Variants in SRRT observed in about 807,000 individuals in gnomAD.
SRRT encodes serrate RNA effector molecule homolog.
In SRRT, 32 loss-of-function variants were observed where a neutral mutation model predicts 103.2. That is an observed-to-expected ratio of 0.31 (90% CI 0.23 to 0.42). The LOEUF (loss-of-function observed/expected upper bound fraction) is 0.42. Ranked by LOEUF, SRRT falls within the 10% of genes least tolerant of loss-of-function variation. The pLI, the probability that SRRT is intolerant of heterozygous loss-of-function variation, is 1.00. For missense variants in SRRT, 986 were observed against 1,207.5 expected (o/e 0.82, Z 2.72); for synonymous variants, 525 against 449.0 (o/e 1.17, Z -2.14).
Position 100,881,428 on chromosome 7 carries a change from T to C in SRRT, c.251+15T>C. 6.2e-7 allele frequency: 1 copy of C among 1,606,268 alleles called. No individual in the cohort carries two copies. Among genetic ancestry groups the C allele is most frequent in the Non-Finnish European group, 8.5e-7 (1 of 1,173,886 alleles). ...AGGAGAGACTGGTGAGATGGAGCGG[T>C]TTCCCTCTCCTCCCCTTTGCCTCAG... On this transcript the variant is annotated intron_variant, in intron 3 of 19. Transcript: ENST00000611405.
chr7:100,878,578 A>G (rs940694197), intron 2 of SRRT, among the ~76,000 whole-genome samples: 2 of 152,240 alleles, frequency 1.3e-5, no homozygotes, highest in African/African-American at 4.8e-5. Flanking sequence ...TGGACAAGGT[A>G]GCATAAAGAA....
rs376557679 is a variant in SRRT at position 100,888,263 on chromosome 7, C to T, written c.2435C>T (p.Ala812Val). Residue 812 changes from alanine to valine, a missense_variant, in exon 19 of 20, where the codon GCT becomes GTT. Coordinates refer to ENST00000611405, the MANE Select transcript of SRRT (RefSeq NM_015908.6). ...ACACTGATCTCTGTCATAGCTGGTG[C>T]TGTCCGCCCTGCAGTCCCCACAGGA... ...RPPILGYGAG[A>V]VRPAVPTGGP... 6.2e-7 allele frequency: 1 copy of T among 1,607,630 alleles called. No individual in the cohort carries two copies. The highest frequency in any genetic ancestry group is 8.5e-7 in the Non-Finnish European group (1 of 1,175,316).
rs770469638 is a variant in SRRT at position 100,887,013 on chromosome 7, G to GC, written c.1822-33dup. The GC allele has an allele frequency of 6.2e-7, 1 of 1,612,164 alleles. No individual in the cohort carries two copies. Among genetic ancestry groups the GC allele is most frequent in the South Asian group, 1.1e-5 (1 of 91,002 alleles). On this transcript the variant is annotated intron_variant, in intron 14 of 19. Transcript: ENST00000611405. The surrounding 1 kb of genome is among the most constrained non-coding windows in gnomAD (Gnocchi z 4.1). The stretch of plus-strand genomic sequence containing the variant: ...GCACGTGGGGGCTCGGGCGGTGAGG[G>GC]CAGGAGCTGAACGCTCGCATTCACT...
chr7:100,881,378 A>G lies in SRRT; in HGVS notation c.216A>G (p.Glu72=). ...AGCGCTTCTCGCCACCTCGCCACGAACTCAGCCCGCCACAGAAGCGCATGA... is the reference window on the plus strand; with the variant it reads ...AGCGCTTCTCGCCACCTCGCCACGAGCTCAGCCCGCCACAGAAGCGCATGA... ...RRERFSPPRH[E]LSPPQKRMRR... The change falls in exon 3 of 20, where the codon GAA becomes GAG. Residue 72 remains glutamate (E), a synonymous_variant. Coordinates refer to ENST00000611405, the MANE Select transcript of SRRT (RefSeq NM_015908.6). 2.5e-6 allele frequency: 4 copies of G among 1,600,568 alleles called. No individual in the cohort carries two copies. Among genetic ancestry groups the G allele is most frequent in the Non-Finnish European group, 3.4e-6 (4 of 1,172,326 alleles).
At chr7:100,876,792 C>G (rs188520013) in intron 2 of SRRT, among the ~76,000 whole-genome samples, 1 of 152,116 alleles carries the variant, frequency 6.6e-6, no homozygotes, top group Admixed American at 6.6e-5. Flanking sequence ...GGGAACAGAT[C>G]TCTAAAGGAG....
rs768549185 is a variant in SRRT at position 100,885,163 on chromosome 7, A to G, written c.1160-50A>G. ...AAAGCTTCTGTATCCTCCCCACCAC[A>G]ATCAGTAATAAAAATGCACCAACTC... On this transcript the variant is annotated intron_variant, in intron 9 of 19. Transcript: ENST00000611405. This position sits in a 1 kb window ranked among gnomAD's most constrained non-coding sequence, Gnocchi z 4.8. 6.2e-7 allele frequency: 1 copy of G among 1,604,488 alleles called. No individual in the cohort carries two copies. The highest frequency in any genetic ancestry group is 1.7e-5 in the Admixed American group (1 of 58,996).
Position 100,885,163 on chromosome 7 carries a change from A to C in SRRT, c.1160-50A>C. The C allele has an allele frequency of 6.2e-7, 1 of 1,604,488 alleles. No homozygotes were observed. The highest frequency in any genetic ancestry group is 1.1e-5 in the South Asian group (1 of 90,574). ...AAAGCTTCTGTATCCTCCCCACCAC[A>C]ATCAGTAATAAAAATGCACCAACTC... On this transcript the variant is annotated intron_variant, in intron 9 of 19. Transcript: ENST00000611405. The surrounding 1 kb of genome is among the most constrained non-coding windows in gnomAD (Gnocchi z 4.8).
Position 100,885,790 on chromosome 7 carries a change from A to G in SRRT, c.1379+28A>G, listed in dbSNP as rs574907552. 14 of 1,613,842 alleles carry G rather than the reference A, an allele frequency of 8.7e-6. No homozygotes were observed. The highest frequency in any genetic ancestry group is 1.3e-5 in the African/African-American group (1 of 74,884). ...GAGTAACTCGGTGCGTTGGAGGGAA[A>G]AGTGCAGGGGAACGTTAATGGCCAA... is the stretch of plus-strand genomic sequence containing the variant. On this transcript the variant is annotated intron_variant, in intron 11 of 19. Transcript: ENST00000611405. The surrounding 1 kb of genome is among the most constrained non-coding windows in gnomAD (Gnocchi z 4.8).
intron 2 of SRRT, chr7:100,880,900 T>C: frequency 2.7e-5 from 7 of 254,882 alleles, no homozygotes; most frequent in South Asian, 2.2e-4. Context: ...CAAGAATCTT[T>C]GTTTTGTTTT....
intron 2 of SRRT, among the ~76,000 whole-genome samples, chr7:100,878,613 G>C (rs1480624669): frequency 1.3e-5 from 2 of 152,192 alleles, no homozygotes; most frequent in South Asian, 2.1e-4. Flanking sequence ...CCTACCTCTT[G>C]TTGAATTTTG....
chr7:100,884,511 A>C lies in SRRT; in HGVS notation c.901A>C (p.Lys301Gln), dbSNP rs758513653. Residue 301 changes from lysine (K) to glutamine (Q), a missense_variant, in exon 7 of 20, where the codon AAA (lysine) becomes CAA (glutamine). Lys to Gln is a moderately conservative substitution (Grantham distance 53, BLOSUM62 1). Coordinates refer to ENST00000611405, the MANE Select transcript of SRRT (RefSeq NM_015908.6). ...AGCAGGCCTAGGGGACGGGGAGCGC[A>C]AAACCAACGACAAGGATGAGAAGAA... ...AGAGLGDGER[K>Q]TNDKDEKKED... is the part of the protein sequence containing the mutation. The C allele has an allele frequency of 1.2e-6, 2 of 1,611,342 alleles. No individual in the cohort carries two copies.
Position 100,887,289 on chromosome 7 carries a change from C to CA in SRRT, c.1976-29dup. 9 of 1,610,384 alleles carry CA rather than the reference C, an allele frequency of 5.6e-6. No individual in the cohort carries two copies. Among genetic ancestry groups the CA allele is most frequent in the Non-Finnish European group, 7.6e-6 (9 of 1,177,236 alleles). Reference sequence around the variant, plus strand: ...CCATCCTTCCTTCTGGCTCCCTTGCCAACCTTCCTTCCTCTGTTCCCAAAC... The same window carrying CA: ...CCATCCTTCCTTCTGGCTCCCTTGCCAAACCTTCCTTCCTCTGTTCCCAAAC... On this transcript the variant is annotated intron_variant, in intron 15 of 19. Transcript: ENST00000611405. This position sits in a 1 kb window ranked among gnomAD's most constrained non-coding sequence, Gnocchi z 4.1.
rs200877158 is a variant in SRRT at position 100,886,390 on chromosome 7, G to A, written c.1602G>A (p.Arg534=). The part of the protein sequence containing the change: ...AAKLIHTLDD[R]TQLWASEPGT... ...AGCTGATCCACACGCTGGATGACAG[G>A]ACACAGCTTTGGGCCTCAGAACCAG... Residue 534 remains arginine (R), a synonymous_variant, in exon 13 of 20, where the codon AGG becomes AGA. Transcript: ENST00000611405. 7 of 1,613,658 alleles carry A rather than the reference G, an allele frequency of 4.3e-6. No individual in the cohort carries two copies. The African/African-American group carries it at 5.3e-5, about 12-fold the overall frequency.
intron 19 of SRRT, 44 bp downstream of exon 19, chr7:100,888,427 C>A: frequency 1.9e-6 from 3 of 1,612,966 alleles, no homozygotes; most frequent in Non-Finnish European, 2.5e-6. Flanking sequence ...CCTGCAGACT[C>A]CCTTTTGGGA....
intron 13 of SRRT, 58 bp from the exon 14 acceptor site, chr7:100,886,737 T>C: frequency 6.3e-7 from 1 of 1,586,680 alleles, no homozygotes. Flanking sequence ...GTGGAAAGTC[T>C]CAGGTTACCT....
In SRRT at chr7:100,886,798, C is replaced by T. The variant is rs1376139964; in HGVS notation, c.1651C>T (p.Leu551=). The change falls in exon 14 of 20, where the codon CTG becomes TTG. Residue 551 remains leucine (L), a synonymous_variant. Transcript: ENST00000611405. ...EPGTPPLPTS[L]PSQNPILKNI... ...TTGCTTCTCTTCCTCCCATCAGAGC[C>T]TGCCCTCGCAAAACCCGATCTTGAA... The T allele has an allele frequency of 1.2e-6, 2 of 1,614,148 alleles. No homozygotes were observed. Among genetic ancestry groups the T allele is most frequent in the Non-Finnish European group, 1.7e-6 (2 of 1,180,024 alleles).
chr7:100,886,100 G>T, intron 12 of SRRT, 147 bp from the exon 13 acceptor site: 1 of 1,250,178 alleles, frequency 8.0e-7, no homozygotes, highest in Non-Finnish European at 1.1e-6. Flanking sequence ...TAGGGCGTTA[G>T]CATGGACGGA....
chr7:100,880,720 G>C, intron 2 of SRRT: 1 of 435,066 alleles, frequency 2.3e-6, no homozygotes, highest in East Asian at 7.9e-5. Flanking sequence ...TCTGTCACCC[G>C]GGCTGAGTGC....
chr7:100,880,139 T>G (rs1380660205), intron 2 of SRRT, among the ~76,000 whole-genome samples: 1 of 152,178 alleles, frequency 6.6e-6, no homozygotes, highest in Non-Finnish European at 1.5e-5. Context: ...GGGACAGCTT[T>G]GATAGGCTTT....
Sources: gnomAD v4.1 joint callset for allele counts (sites outside exome capture counted in the v4.1 genomes callset) on GRCh38, gnomAD v4.1.1 for gene constraint, Gnocchi (gnomAD v3.1) non-coding constraint, MANE v1.5 for transcripts, NCBI Gene and HGNC (gene_info 2026-07-23, HGNC 2026-07-21) for gene names.